The following RAN variants were observed in gnomAD, a reference collection of about 807,000 sequenced individuals.
RAN encodes the protein RAN, member RAS oncogene family, also known as GTP-binding nuclear protein Ran.
Under a neutral mutation model 26.8 loss-of-function variants are expected in RAN, and 2 were observed. The observed-to-expected ratio is 0.07, with a 90% confidence interval of 0.03 to 0.23. The LOEUF (loss-of-function observed/expected upper bound fraction) is 0.23, where lower values mean the gene tolerates loss of function less well. Ranked by LOEUF, RAN falls within the 10% of genes least tolerant of loss-of-function variation. RAN has a pLI of 1.00. For synonymous variants in RAN, 132 were observed against 95.9 expected, an observed-to-expected ratio of 1.38 and a Z score of -2.20; for missense variants, 56 against 264.8, an observed-to-expected ratio of 0.21 and a Z score of 5.47.
intron 1 of RAN, 36 bp from the exon 2 acceptor site, chr12:130,872,548 C>T: frequency 2.1e-6 from 3 of 1,424,770 alleles, no homozygotes; most frequent in Non-Finnish European, 2.7e-6. Flanking sequence ...GCTGCGGGGC[C>T]GCGCGAGCGC....
Position 130,876,106 on chromosome 12 carries a change from C to T in RAN, c.*180C>T. 3.0e-6 allele frequency: 2 copies of T among 668,338 alleles called. No homozygotes were observed. Among genetic ancestry groups the T allele is most frequent in the African/African-American group, 1.8e-5 (1 of 55,114 alleles). The allele number at this position is 668,338 out of a possible 1,614,324, so 41.4% of individuals were successfully genotyped here. ...GTGAATGTGGCAGTTTAAAAAATAA[C>T]TTCATTGTTTGGACCTGCATATTTA... On this transcript the variant is annotated 3_prime_UTR_variant, in exon 7 of 7. Coordinates refer to ENST00000543796, the MANE Select transcript of RAN (RefSeq NM_006325.5).
At chr12:130,873,362 C>T (rs754966653) in intron 4 of RAN, 11 of 481,744 alleles carry the variant, frequency 2.3e-5, no homozygotes, top group East Asian at 1.2e-4. Flanking sequence ...ATGACTTACA[C>T]TGGGACTTAT....
Position 130,872,133 on chromosome 12 carries a change from C to A in RAN, c.-11+7C>A. On this transcript the variant is annotated splice_region_variant and intron_variant, in intron 1 of 6. Transcript: ENST00000543796. ...GCGGAGACGCTTCTGGAAGGTATCG[C>A]GACCCGGCGGGCCCGGCACGGCCGG... is the stretch of plus-strand genomic sequence containing the variant. 4.0e-6 allele frequency: 1 copy of A among 247,270 alleles called. No individual in the cohort carries two copies. Among genetic ancestry groups the A allele is most frequent in the South Asian group, 3.3e-5 (1 of 30,272 alleles). 15.3% of individuals were successfully genotyped at this position (247,270 alleles called of 1,614,324 possible).
intron 4 of RAN, 190 bp downstream of exon 4, chr12:130,873,318 G>GA: frequency 1.5e-6 from 1 of 648,006 alleles, no homozygotes; most frequent in Non-Finnish European, 2.6e-6. Context: ...TCATTTGCAT[G>GA]CTGTGTCATG....
rs1491478480 is a variant in RAN at position 130,877,049 on chromosome 12, ACT to A, written c.*1124_*1125del. ...TCAGTAATGGAGAACAGTTGGTGAA[ACT>A]TTTTTTTTTTTTTAACTAAGCATTT... On this transcript the variant is annotated 3_prime_UTR_variant, in exon 7 of 7. Transcript: ENST00000543796. The A allele has an allele frequency of 6.7e-6, 1 of 150,042 alleles. No individual in the cohort carries two copies. Among genetic ancestry groups the A allele is most frequent in the African/African-American group, 2.5e-5 (1 of 40,094 alleles). 9.3% of individuals were successfully genotyped at this position (150,042 alleles called of 1,614,324 possible). A position where few individuals can be genotyped will look rare whatever the true frequency, so the allele number is the denominator to read the frequency against.
At chr12:130,872,558 C>G in intron 1 of RAN, 26 bp from the exon 2 acceptor site, 2 of 1,443,428 alleles carry the variant, frequency 1.4e-6, no homozygotes, top group Non-Finnish European at 1.8e-6. Flanking sequence ...CGCGCGAGCG[C>G]TCGCCTCCGT....
At chr12:130,872,736 CTTTGT>C (rs1953162804) in intron 2 of RAN, 95 bp from the exon 3 acceptor site, 25 of 1,569,552 alleles carry the variant, frequency 1.6e-5, no homozygotes, top group Middle Eastern at 3.5e-4. Flanking sequence ...CATCCACATT[CTTTGT>C]TTTAAGTGAG....
At position 130,872,539 on chromosome 12, in the gene RAN, C is replaced by G. The variant is rs1235181044; in HGVS notation, c.-10-45C>G. 2.8e-6 allele frequency: 4 copies of G among 1,410,458 alleles called. No individual in the cohort carries two copies. In the East Asian group the frequency reaches 1.1e-4, roughly 40 times the overall value. The allele number at this position is 1,410,458 out of a possible 1,614,324, so 87.4% of individuals were successfully genotyped here. A position where few individuals can be genotyped will look rare whatever the true frequency, so the allele number is the denominator to read the frequency against. ...GGCGCGGGAGCGGGGCCGCCATGGG[C>G]TGCGGGGCCGCGCGAGCGCTCGCCT... is the stretch of plus-strand genomic sequence containing the variant. On this transcript the variant is annotated intron_variant, in intron 1 of 6. Transcript: ENST00000543796.
In RAN at chr12:130,875,722, C is replaced by T. The variant is rs775646032; in HGVS notation, c.546C>T (p.Leu182=). 8.7e-6 allele frequency: 14 copies of T among 1,614,018 alleles called. No homozygotes were observed. Among genetic ancestry groups the T allele is most frequent in the Admixed American group, 3.3e-5 (2 of 59,986 alleles). ...PNLEFVAMPA[L]APPEVVMDPA... ...TGGAATTTGTTGCCATGCCTGCTCT[C>T]GCCCCACCAGAAGTTGTCATGGACC... The change falls in exon 6 of 7, where the codon CTC becomes CTT. Residue 182 remains leucine (L), a synonymous_variant. Coordinates refer to ENST00000543796, the MANE Select transcript of RAN (RefSeq NM_006325.5).
Position 130,875,990 on chromosome 12 carries a change from G to T in RAN, c.*64G>T. ...TAGGCAGCTGTCCTGTGATGTCAGC[G>T]GTGCAGCGTGTGTGCCACCTCATTA... is the stretch of plus-strand genomic sequence containing the variant. On this transcript the variant is annotated 3_prime_UTR_variant, in exon 7 of 7. Coordinates refer to ENST00000543796, the MANE Select transcript of RAN (RefSeq NM_006325.5). The T allele has an allele frequency of 6.6e-7, 1 of 1,521,320 alleles. No individual in the cohort carries two copies. The highest frequency in any genetic ancestry group is 9.1e-7 in the Non-Finnish European group (1 of 1,098,076). The allele number at this position is 1,521,320 out of a possible 1,614,324, so 94.2% of individuals were successfully genotyped here.
In RAN at chr12:130,874,753, C is replaced by T. The variant is rs7958223; in HGVS notation, c.435+20C>T. On this transcript the variant is annotated intron_variant, in intron 5 of 6. Coordinates refer to ENST00000543796, the MANE Select transcript of RAN (RefSeq NM_006325.5). The stretch of plus-strand genomic sequence containing the variant: ...CTTCAGGTGTGTAAAATTAAAACTT[C>T]CTGAGTTATTTCTCTTAGCGGAGAT... 3.1e-6 allele frequency: 5 copies of T among 1,588,420 alleles called. No homozygotes were observed. Among genetic ancestry groups the T allele is most frequent in the Admixed American group, 1.7e-5 (1 of 58,630 alleles).
At position 130,877,050 on chromosome 12, in the gene RAN, CTTTTT is replaced by C. The variant is rs767255011; in HGVS notation, c.*1134_*1138del. ...CAGTAATGGAGAACAGTTGGTGAAA[CTTTTT>C]TTTTTTTTTAACTAAGCATTTAATT... On this transcript the variant is annotated 3_prime_UTR_variant, in exon 7 of 7. Transcript: ENST00000543796. 2 of 143,388 alleles carry C rather than the reference CTTTTT, an allele frequency of 1.4e-5. No homozygotes were observed. The highest frequency in any genetic ancestry group is 2.1e-4 in the East Asian group (1 of 4,834). The allele number at this position is 143,388 out of a possible 1,614,324, so 8.9% of individuals were successfully genotyped here. A position where few individuals can be genotyped will look rare whatever the true frequency, so the allele number is the denominator to read the frequency against.
At chr12:130,872,539 C>T in intron 1 of RAN, 45 bp from the exon 2 acceptor site, 4 of 1,410,458 alleles carry the variant, frequency 2.8e-6, no homozygotes, top group South Asian at 1.6e-5. Flanking sequence ...CCGCCATGGG[C>T]TGCGGGGCCG....
At position 130,874,650 on chromosome 12, in the gene RAN, G is replaced by T; in HGVS notation, c.352G>T (p.Val118Leu). 6.2e-7 allele frequency: 1 copy of T among 1,613,122 alleles called. No homozygotes were observed. ...ACGAGTGTGTGAAAACATCCCCATT[G>T]TGTTGTGTGGCAACAAAGTGGATAT... ...LVRVCENIPI[V>L]LCGNKVDIKD... is the part of the protein sequence containing the mutation. Residue 118 changes from valine to leucine, a missense_variant, in exon 5 of 7, where the codon GTG becomes TTG. Val to Leu is a conservative substitution (Grantham distance 32). Around this residue, in one of 2 missense-constraint regions of RAN, gnomAD observed 39 missense variants for 248.7 expected, o/e 0.16. Transcript: ENST00000543796.
intron 2 of RAN, 36 bp from the exon 3 acceptor site, chr12:130,872,799 TG>T (rs1307747951): frequency 1.9e-6 from 3 of 1,605,420 alleles, no homozygotes; most frequent in Non-Finnish European, 2.6e-6. Flanking sequence ...AGAGGTGAAG[TG>T]TTTAGGGTTT....
chr12:130,872,579 C>T lies in RAN; in HGVS notation c.-10-5C>T, dbSNP rs200743858. ...AGCGCTCGCCTCCGTCCTCTGCCTC[C>T]GCAGGAACGCCGCGATGGCTGCGCA... is the stretch of plus-strand genomic sequence containing the variant. On this transcript the variant is annotated splice_polypyrimidine_tract_variant and splice_region_variant and intron_variant, in intron 1 of 6. Coordinates refer to ENST00000543796, the MANE Select transcript of RAN (RefSeq NM_006325.5). 29 of 1,511,196 alleles carry T rather than the reference C, an allele frequency of 1.9e-5. No individual in the cohort carries two copies. The African/African-American group carries it at 3.6e-4, about 19-fold the overall frequency. The allele number at this position is 1,511,196 out of a possible 1,614,324, so 93.6% of individuals were successfully genotyped here.
In RAN at chr12:130,876,168, A is replaced by C; in HGVS notation, c.*242A>C. On this transcript the variant is annotated 3_prime_UTR_variant, in exon 7 of 7. Transcript: ENST00000543796. ...ACGCAGTTGATTCCTTGAGTTTCAT[A>C]TATAAGACTGCTGCAGTCACATCAC... 2 of 549,900 alleles carry C rather than the reference A, an allele frequency of 3.6e-6. No homozygotes were observed. Among genetic ancestry groups the C allele is most frequent in the Non-Finnish European group, 6.5e-6 (2 of 309,072 alleles). 34.1% of individuals were successfully genotyped at this position (549,900 alleles called of 1,614,324 possible).
Position 130,872,662 on chromosome 12 carries a change from G to T in RAN, c.36+33G>T. The T allele has an allele frequency of 2.0e-6, 3 of 1,524,294 alleles. No individual in the cohort carries two copies. The East Asian group carries it at 7.1e-5, about 36-fold the overall frequency. The allele number at this position is 1,524,294 out of a possible 1,614,324, so 94.4% of individuals were successfully genotyped here. A position where few individuals can be genotyped will look rare whatever the true frequency, so the allele number is the denominator to read the frequency against. Reference sequence around the variant, plus strand: ...ACCCTGCGGGGCGGGAGGCGGCCGAGCCCGACCGCGTGCGACTCGCGGGTC... The same window carrying T: ...ACCCTGCGGGGCGGGAGGCGGCCGATCCCGACCGCGTGCGACTCGCGGGTC... On this transcript the variant is annotated intron_variant, in intron 2 of 6. Transcript: ENST00000543796.
At chr12:130,873,871 A>C (rs1953188003) in intron 4 of RAN, 1 of 176,960 alleles carries the variant, frequency 5.7e-6, no homozygotes, top group Admixed American at 5.8e-5. Context: ...TGGGTTATTT[A>C]TTTATTTAAT....
Sources: gnomAD v4.1 joint callset for allele counts on GRCh38, gnomAD v4.1.1 for gene constraint, gnomAD v4.1.1 regional missense constraint, MANE v1.5 for transcripts, NCBI Gene and HGNC (gene_info 2026-07-23, HGNC 2026-07-21) for gene names.